Variants in TBCK observed in about 807,000 individuals in gnomAD.
TBCK encodes the protein TBC domain-containing protein kinase-like protein.
Under a neutral mutation model 113.4 loss-of-function variants are expected in TBCK, and 99 were observed. That is an observed-to-expected ratio of 0.87 (90% CI 0.74 to 1.03). The LOEUF (loss-of-function observed/expected upper bound fraction) is 1.03. Among genes scored for constraint, TBCK ranks in the 50% least tolerant of loss-of-function variants. The pLI is 0.00. For missense variants in TBCK, 1,045 were observed against 1,061.3 expected, an observed-to-expected ratio of 0.98 and a Z score of 0.21; for synonymous variants, 369 against 370.8, an observed-to-expected ratio of 1.00 and a Z score of 0.05.
intron 25 of TBCK, among the ~76,000 whole-genome samples, chr4:106,058,608 C>T (rs531926594): frequency 4.0e-5 from 6 of 151,794 alleles, no homozygotes; most frequent in African/African-American, 1.4e-4. Context: ...ATATAAGGAA[C>T]TGCAAGTAGG....
chr4:106,098,831 A>C (rs965755868), intron 24 of TBCK, among the ~76,000 whole-genome samples: 2 of 152,044 alleles, frequency 1.3e-5, no homozygotes, highest in African/African-American at 4.8e-5. Context: ...CCTGCAAATA[A>C]GCCATTCAGC....
intron 20 of TBCK, among the ~76,000 whole-genome samples, chr4:106,205,587 C>CAAAAAAAAAAAAA (rs70941240): frequency 7.8e-5 from 5 of 64,198 alleles, no homozygotes; most frequent in African/African-American, 3.0e-4. Context: ...ACTAAAAATA[C>CAAAAAAAAAAAAA]AAAAAAAAAA....
chr4:106,154,867 T>A (rs1177688261), intron 23 of TBCK, among the ~76,000 whole-genome samples: 1 of 152,208 alleles, frequency 6.6e-6, no homozygotes, highest in Admixed American at 6.5e-5. Context: ...CATCATTTTG[T>A]CTTCCTAGTT....
At chr4:106,268,774 C>G (rs1016951652) in intron 3 of TBCK, among the ~76,000 whole-genome samples, 1 of 152,072 alleles carries the variant, frequency 6.6e-6, no homozygotes, top group Non-Finnish European at 1.5e-5. Context: ...AAACCATCAG[C>G]TCTTTTAGGT....
chr4:106,081,313 T>C (rs1465440841), intron 25 of TBCK, among the ~76,000 whole-genome samples: 1 of 152,138 alleles, frequency 6.6e-6, no homozygotes, highest in Non-Finnish European at 1.5e-5. Context: ...TGGTAGTACA[T>C]ATACACCATG....
intron 20 of TBCK, among the ~76,000 whole-genome samples, chr4:106,196,384 C>G (rs898300884): frequency 6.6e-6 from 1 of 151,968 alleles, no homozygotes; most frequent in African/African-American, 2.4e-5. Context: ...TGAGTTAATA[C>G]AGGCTGCTAT....
intron 25 of TBCK, among the ~76,000 whole-genome samples, chr4:106,062,606 G>A (rs1169637128): frequency 2.6e-5 from 4 of 151,836 alleles, no homozygotes; most frequent in Non-Finnish European, 5.9e-5. Context: ...TCCAACCTCT[G>A]TGGGTCAAAT....
At chr4:106,161,136 A>G (rs1560740394) in intron 23 of TBCK, among the ~76,000 whole-genome samples, 1 of 152,058 alleles carries the variant, frequency 6.6e-6, no homozygotes, top group Non-Finnish European at 1.5e-5. Flanking sequence ...TGGTTGCACA[A>G]CATTATGAAT....
chr4:106,251,072 CT>C, intron 6 of TBCK: 1 of 307,974 alleles, frequency 3.2e-6, no homozygotes, highest in Non-Finnish European at 6.6e-6. Context: ...GAGTCAAACA[CT>C]TATACCTTCA....
At chr4:106,309,344 G>A (rs1353224923) in intron 1 of TBCK, among the ~76,000 whole-genome samples, 1 of 115,002 alleles carries the variant, frequency 8.7e-6, no homozygotes, top group Non-Finnish European at 1.6e-5. Context: ...AGACAGTCTC[G>A]CACTGTCACC....
intron 20 of TBCK, among the ~76,000 whole-genome samples, chr4:106,210,225 G>C (rs1313389336): frequency 6.6e-6 from 1 of 151,918 alleles, no homozygotes; most frequent in African/African-American, 2.4e-5. Context: ...CTTGAACAAA[G>C]GGAAGGCAAA....
At position 106,156,835 on chromosome 4, in the gene TBCK, G is replaced by A. The variant is rs574532474; in HGVS notation, c.2235+14260C>T. ...CAAGTCCTGGAATTGGGGGCCACAA[G>A]AGCCTGCTTGGTACTCTACTTCCCT... On this transcript the variant is annotated intron_variant, in intron 23 of 25. Coordinates refer to ENST00000394708, the MANE Select transcript of TBCK (RefSeq NM_001163435.3). 1.1e-3 allele frequency among the ~76,000 whole-genome samples: 168 copies of A among 152,272 alleles called. 1 individual carries two copies. Among genetic ancestry groups the A allele is most frequent in the Admixed American group, 2.8e-3 (43 of 15,298 alleles).
chr4:106,109,671 C>T (rs951897480), intron 24 of TBCK, among the ~76,000 whole-genome samples: 1 of 152,116 alleles, frequency 6.6e-6, no homozygotes, highest in Non-Finnish European at 1.5e-5. Flanking sequence ...ACTATAAAAA[C>T]CCTGGAAGAC....
chr4:106,311,437 T>C (rs1768186715), intron 1 of TBCK, among the ~76,000 whole-genome samples: 1 of 152,050 alleles, frequency 6.6e-6, no homozygotes, highest in African/African-American at 2.4e-5. Context: ...AAATATAATA[T>C]TGAGTGAAAA....
In TBCK at chr4:106,082,463, G is replaced by C. The variant is rs148216157; in HGVS notation, c.2571+13019C>G. ...GGAAGAATGGTGGGGAGAGAGACAT[G>C]GTTTTTAGGGCTACCTGTCAGGTAC... On this transcript the variant is annotated intron_variant, in intron 25 of 25. Transcript: ENST00000394708. 5.0e-3 allele frequency among the ~76,000 whole-genome samples: 767 copies of C among 152,182 alleles called. 4 individuals are homozygous for C. The highest frequency in any genetic ancestry group is 0.018 in the African/African-American group (738 of 41,542).
At chr4:106,211,401 T>C (rs1161345286) in intron 20 of TBCK, among the ~76,000 whole-genome samples, 2 of 152,198 alleles carry the variant, frequency 1.3e-5, no homozygotes, top group East Asian at 3.9e-4. Flanking sequence ...AAATTCCTTA[T>C]ATAAGTATTT....
intron 3 of TBCK, among the ~76,000 whole-genome samples, chr4:106,277,991 C>T (rs578177556): frequency 2.6e-5 from 4 of 152,164 alleles, no homozygotes; most frequent in Non-Finnish European, 4.4e-5. Flanking sequence ...AATTTAGCTA[C>T]AATTAAATGT....
intron 23 of TBCK, among the ~76,000 whole-genome samples, chr4:106,151,705 A>G (rs900741204): frequency 6.6e-6 from 1 of 151,880 alleles, no homozygotes; most frequent in Non-Finnish European, 1.5e-5. Context: ...AACAATATTA[A>G]TTTTTTCAAC....
intron 20 of TBCK, among the ~76,000 whole-genome samples, chr4:106,208,828 C>G (rs1373084994): frequency 6.6e-6 from 1 of 152,198 alleles, no homozygotes; most frequent in Non-Finnish European, 1.5e-5. Flanking sequence ...TGTTAGCATG[C>G]TGTAACACCC....
Sources: gnomAD v4.1 joint callset for allele counts (sites outside exome capture counted in the v4.1 genomes callset) on GRCh38, gnomAD v4.1.1 for gene constraint, MANE v1.5 for transcripts, NCBI Gene and HGNC (gene_info 2026-07-23, HGNC 2026-07-21) for gene names.